Variants in EFCAB5 observed in about 807,000 individuals in gnomAD.
EFCAB5 encodes EF-hand calcium binding domain 5.
Under a neutral mutation model 167.9 loss-of-function variants are expected in EFCAB5, and 131 were observed. The observed-to-expected ratio is 0.78, with a 90% CI of 0.68 to 0.90. The LOEUF is 0.90. EFCAB5 is among the 40% of genes least tolerant of loss of function. EFCAB5 has a pLI of 0.00. For synonymous variants in EFCAB5, 574 were observed against 602.8 expected (o/e 0.95, Z 0.70); for missense variants, 1,663 against 1,745.2 (o/e 0.95, Z 0.84).
At chr17:30,093,562 C>A (rs924849124) in intron 22 of EFCAB5, among the ~76,000 whole-genome samples, 3 of 152,210 alleles carry the variant, frequency 2.0e-5, no homozygotes, top group Non-Finnish European at 2.9e-5. Flanking sequence ...TCTTCCCGCT[C>A]TCCTACTATC....
intron 7 of EFCAB5, among the ~76,000 whole-genome samples, chr17:30,007,537 A>G (rs2068797109): frequency 1.3e-5 from 2 of 152,214 alleles, no homozygotes; most frequent in African/African-American, 4.8e-5. Flanking sequence ...GTTCTTCCCA[A>G]TTTGTAGAGA....
chr17:30,046,273 C>A (rs1413756094), intron 8 of EFCAB5, among the ~76,000 whole-genome samples: 1 of 152,048 alleles, frequency 6.6e-6, no homozygotes, highest in Non-Finnish European at 1.5e-5. Context: ...TAAAAATAAT[C>A]ACTTATGGTT....
At chr17:30,082,432 C>T (rs2071006632) in intron 17 of EFCAB5, among the ~76,000 whole-genome samples, 1 of 142,726 alleles carries the variant, frequency 7.0e-6, no homozygotes, top group African/African-American at 2.6e-5. Flanking sequence ...GCTCTGTTGC[C>T]CAGATTGGAG....
At chr17:29,934,340 C>T (rs1217098585) in intron 1 of EFCAB5, among the ~76,000 whole-genome samples, 1 of 152,162 alleles carries the variant, frequency 6.6e-6, no homozygotes, top group Non-Finnish European at 1.5e-5. Flanking sequence ...TTCCTCGTTA[C>T]ATTTGCCAAT....
At chr17:29,972,326 G>T (rs534207818) in intron 4 of EFCAB5, among the ~76,000 whole-genome samples, 22 of 151,782 alleles carry the variant, frequency 1.4e-4, no homozygotes, top group Admixed American at 1.4e-3. Context: ...TGGTATTACA[G>T]GCGTGAGTCA....
At chr17:29,929,953 G>A in intron 1 of EFCAB5, 1 of 1,603,446 alleles carries the variant, frequency 6.2e-7, no homozygotes, top group Non-Finnish European at 8.5e-7. Context: ...CGCAGGGGCT[G>A]GAGGTGGTGC....
chr17:30,061,646 G>C (rs2070429337), intron 14 of EFCAB5, among the ~76,000 whole-genome samples: 1 of 152,170 alleles, frequency 6.6e-6, no homozygotes, highest in Non-Finnish European at 1.5e-5. Context: ...CATAATCATG[G>C]CTCACTCCAG....
intron 7 of EFCAB5, among the ~76,000 whole-genome samples, chr17:30,012,002 A>G (rs2068914372): frequency 6.6e-6 from 1 of 152,206 alleles, no homozygotes; most frequent in South Asian, 2.1e-4. Flanking sequence ...AAACCAGGCC[A>G]TACAGAGATA....
At chr17:29,941,906 G>T in intron 1 of EFCAB5, 68 bp downstream of exon 1, 1 of 1,389,596 alleles carries the variant, frequency 7.2e-7, no homozygotes, top group South Asian at 1.2e-5. Flanking sequence ...TGGGAAAATT[G>T]AGATGCAATA....
At position 29,969,192 on chromosome 17, in the gene EFCAB5, G is replaced by C; in HGVS notation, c.592G>C (p.Val198Leu). ...NMLTQVEKKK[V>L]LTEADTPSKF... is the part of the protein sequence containing the mutation. ...GTTAACTCAAGTAGAAAAGAAGAAG[G>C]TTTTGACAGAAGCTGATACTCCAAG... Residue 198 changes from valine to leucine, a missense_variant, in exon 4 of 23, where the codon GTT (valine) becomes CTT (leucine). Transcript: ENST00000394835. 2 of 1,613,646 alleles carry C rather than the reference G, an allele frequency of 1.2e-6. No homozygotes were observed. The highest frequency in any genetic ancestry group is 1.7e-6 in the Non-Finnish European group (2 of 1,179,816).
At chr17:29,951,831 T>C (rs1288734942) in intron 3 of EFCAB5, among the ~76,000 whole-genome samples, 1 of 152,138 alleles carries the variant, frequency 6.6e-6, no homozygotes, top group Non-Finnish European at 1.5e-5. Flanking sequence ...CTGAGAAGCA[T>C]AGTTCAAAAA....
At chr17:30,085,732 AAAAAAAG>A (rs2071077384) in intron 18 of EFCAB5, among the ~76,000 whole-genome samples, 1 of 152,110 alleles carries the variant, frequency 6.6e-6, no homozygotes, top group African/African-American at 2.4e-5. Context: ...AAAAAAAAAA[AAAAAAAG>A]AAAAGAAAAG....
At chr17:30,054,384 C>T (rs1019663943) in intron 10 of EFCAB5, among the ~76,000 whole-genome samples, 6 of 152,140 alleles carry the variant, frequency 3.9e-5, no homozygotes, top group Non-Finnish European at 7.4e-5. Flanking sequence ...CATATAATTT[C>T]CATTGCACTA....
chr17:30,041,969 A>G (rs568556118), intron 8 of EFCAB5, among the ~76,000 whole-genome samples: 1 of 152,304 alleles, frequency 6.6e-6, no homozygotes, highest in African/African-American at 2.4e-5. Context: ...ACTACAGTTT[A>G]AGCTATTGAG....
chr17:29,991,343 T>C (rs2068413735), intron 4 of EFCAB5, among the ~76,000 whole-genome samples: 1 of 151,806 alleles, frequency 6.6e-6, no homozygotes, highest in Non-Finnish European at 1.5e-5. Flanking sequence ...GAGTGTGGAG[T>C]GGGAAATCAG....
At chr17:29,954,142 A>G (rs117815248) in intron 3 of EFCAB5, among the ~76,000 whole-genome samples, 3,111 of 152,308 alleles carry the variant, frequency 0.02, 58 homozygotes, top group Non-Finnish European at 0.033. Flanking sequence ...GTGTAGTACT[A>G]TGCAATAAAA....
At chr17:30,095,171 T>C (rs1005564028) in intron 22 of EFCAB5, among the ~76,000 whole-genome samples, 25 of 152,298 alleles carry the variant, frequency 1.6e-4, no homozygotes, top group African/African-American at 5.5e-4. Flanking sequence ...CTGTCCCCTA[T>C]TGCAAGTATA....
In EFCAB5 at chr17:29,999,310, A is replaced by G. The variant is rs573824984; in HGVS notation, c.974-596A>G. Among the ~76,000 whole-genome samples the G allele has an allele frequency of 1.3e-4, 20 of 152,082 alleles. 1 individual carries two copies. The South Asian group carries it at 1.7e-3, about 13-fold the overall frequency. ...ATAAGTAGAAAAAAGGTACATGTGT[A>G]TATATATATACATTTGTATACATAC... On this transcript the variant is annotated intron_variant, in intron 6 of 22. Transcript: ENST00000394835.
intron 14 of EFCAB5, among the ~76,000 whole-genome samples, chr17:30,077,068 G>C (rs138106699): frequency 3.3e-5 from 5 of 152,338 alleles, no homozygotes; most frequent in African/African-American, 1.2e-4. Flanking sequence ...TTGGGACGCT[G>C]AGGTGGGCAG....
Sources: allele counts gnomAD v4.1 joint callset (sites outside exome capture counted in the v4.1 genomes callset), GRCh38; gene constraint gnomAD v4.1.1; transcripts MANE v1.5; gene names NCBI Gene and HGNC (gene_info 2026-07-23, HGNC 2026-07-21).